EIF3H: variants seen among roughly 807,000 people sequenced by gnomAD.
The protein encoded by EIF3H is eIF-3-gamma.
A neutral mutation model predicts 44.2 loss-of-function variants in EIF3H; 26 were observed. That is an observed-to-expected ratio of 0.59 (90% CI 0.43 to 0.82). EIF3H has a LOEUF of 0.82. Ranked by LOEUF, EIF3H falls within the 40% of genes least tolerant of loss-of-function variation. The probability of loss-of-function intolerance (pLI) is 0.00; values close to 1 mark genes in which losing one functional copy is unlikely to be tolerated. For missense variants in EIF3H, 359 were observed against 432.8 expected, an observed-to-expected ratio of 0.83 and a Z score of 1.51; for synonymous variants, 166 against 151.9, an observed-to-expected ratio of 1.09 and a Z score of -0.68.
chr8:116,657,270 T>C lies in EIF3H; in HGVS notation c.502A>G (p.Arg168Gly). Residue 168 changes from arginine (R) to glycine (G), a missense_variant, in exon 4 of 8, where the codon AGA (arginine) becomes GGA (glycine). By Grantham distance (125) the Arg-to-Gly change is moderately radical. Transcript: ENST00000521861. ...AQGSLSLKAYRLTPKLMEVCK... is the reference protein window; with the variant it reads ...AQGSLSLKAYGLTPKLMEVCK... ...ACTTCCATCAGTTTAGGAGTCAGTC[T>C]GTATGCCTTTAGTGAGAGAGATCCT... 6.2e-7 allele frequency: 1 copy of C among 1,613,826 alleles called. No homozygotes were observed. The highest frequency in any genetic ancestry group is 8.5e-7 in the Non-Finnish European group (1 of 1,179,750).
chr8:116,760,460 A>G (rs1815507875), upstream of EIF3H, among the ~76,000 whole-genome samples: 1 of 152,220 alleles, frequency 6.6e-6, no homozygotes, highest in Non-Finnish European at 1.5e-5. Context: ...TAAAAAGAAA[A>G]TAATATTCAT....
At chr8:116,659,615 T>C (rs1813551563) in intron 2 of EIF3H, among the ~76,000 whole-genome samples, 1 of 152,216 alleles carries the variant, frequency 6.6e-6, no homozygotes, top group African/African-American at 2.4e-5. Context: ...ACAGATACTA[T>C]GTTTTCCTTA....
chr8:116,718,963 CT>C (rs1271220083), intron 2 of EIF3H, among the ~76,000 whole-genome samples: 1 of 151,912 alleles, frequency 6.6e-6, no homozygotes, highest in Admixed American at 6.6e-5. Context: ...ATTGAAAATG[CT>C]AATTGTGATA....
chr8:116,688,678 C>G (rs1252082063), intron 2 of EIF3H, among the ~76,000 whole-genome samples: 2 of 151,884 alleles, frequency 1.3e-5, no homozygotes, highest in Non-Finnish European at 2.9e-5. Flanking sequence ...ATGGTGCTAC[C>G]TATGTTCTAT....
Position 116,660,923 on chromosome 8 carries a change from T to C in EIF3H, c.290-1943A>G, listed in dbSNP as rs139734227. ...TAAAAACATCACTACCTTAGAAACC[T>C]ATTTTATACACAATATGACAGCCGA... is the stretch of plus-strand genomic sequence containing the variant. On this transcript the variant is annotated intron_variant, in intron 2 of 7. Coordinates refer to ENST00000521861, the MANE Select transcript of EIF3H (RefSeq NM_003756.3). Among the ~76,000 whole-genome samples, 496 of 152,322 alleles carry C rather than the reference T, an allele frequency of 3.3e-3. 4 individuals carry two copies. Among genetic ancestry groups the C allele is most frequent in the African/African-American group, 0.011 (470 of 41,578 alleles).
intron 2 of EIF3H, among the ~76,000 whole-genome samples, chr8:116,680,552 T>C (rs1056771773): frequency 2.2e-5 from 2 of 92,780 alleles, no homozygotes; most frequent in African/African-American, 8.3e-5. Context: ...CTCTGAAACA[T>C]GTGCTGTGTC....
chr8:116,653,348 AACACACACAC>A (rs771922316), intron 5 of EIF3H, among the ~76,000 whole-genome samples: 8 of 144,576 alleles, frequency 5.5e-5, no homozygotes, highest in Non-Finnish European at 1.0e-4. Flanking sequence ...AACAATCAGA[AACACACACAC>A]ACACACACAC....
chr8:116,675,119 A>G (rs866230542), intron 2 of EIF3H, among the ~76,000 whole-genome samples: 1 of 152,234 alleles, frequency 6.6e-6, no homozygotes, highest in South Asian at 2.1e-4. Context: ...ATCTCTTTGT[A>G]TTTTTAAATC....
At chr8:116,743,798 A>ATATATATATATATATAT (rs1491232249) in intron 1 of EIF3H, among the ~76,000 whole-genome samples, 8 of 79,674 alleles carry the variant, frequency 1.0e-4, no homozygotes, top group Non-Finnish European at 1.2e-4. Context: ...ATATATATAT[A>ATATATATATATATATAT]AACACACACA....
chr8:116,704,813 T>G (rs1444617482), intron 2 of EIF3H, among the ~76,000 whole-genome samples: 2 of 132,916 alleles, frequency 1.5e-5, no homozygotes, highest in Non-Finnish European at 3.2e-5. Flanking sequence ...ACGGCTATTT[T>G]AAAGCAAATT....
chr8:116,692,660 C>T (rs1814197782), intron 2 of EIF3H, among the ~76,000 whole-genome samples: 1 of 152,126 alleles, frequency 6.6e-6, no homozygotes, highest in Non-Finnish European at 1.5e-5. Flanking sequence ...AAAACAAACC[C>T]CTTTCCTTCC....
intron 6 of EIF3H, among the ~76,000 whole-genome samples, chr8:116,648,358 A>C (rs1813338555): frequency 6.6e-6 from 1 of 152,224 alleles, no homozygotes; most frequent in Non-Finnish European, 1.5e-5. Context: ...TCTGTATTAT[A>C]CTATCTACTT....
rs922590586 is a variant in EIF3H at position 116,644,724 on chromosome 8, C to G, written c.*282G>C. 1 of 327,446 alleles carries G rather than the reference C, an allele frequency of 3.1e-6. No individual in the cohort carries two copies. The highest frequency in any genetic ancestry group is 5.6e-6 in the Non-Finnish European group (1 of 177,282). The allele number at this position is 327,446 out of a possible 1,614,324, so 20.3% of individuals were successfully genotyped here. On this transcript the variant is annotated 3_prime_UTR_variant, in exon 8 of 8. Transcript: ENST00000521861. Reference sequence around the variant, plus strand: ...AAGTGGTGGAGCCTATAGGTTTCTGCCTGGTGAAACTTCCGGTCAGGGCTT... The same window carrying G: ...AAGTGGTGGAGCCTATAGGTTTCTGGCTGGTGAAACTTCCGGTCAGGGCTT...
At chr8:116,668,627 A>T (rs1348105916) in intron 2 of EIF3H, among the ~76,000 whole-genome samples, 1 of 152,164 alleles carries the variant, frequency 6.6e-6, no homozygotes, top group Non-Finnish European at 1.5e-5. Flanking sequence ...ACCTGGTCTG[A>T]ATAACATCTT....
chr8:116,701,185 A>G (rs918374487), intron 2 of EIF3H, among the ~76,000 whole-genome samples: 5 of 152,172 alleles, frequency 3.3e-5, no homozygotes, highest in Non-Finnish European at 7.4e-5. Flanking sequence ...AAATTTAGCT[A>G]CTTTAGCTTC....
intron 6 of EIF3H, among the ~76,000 whole-genome samples, chr8:116,648,379 G>C (rs1813338890): frequency 6.6e-6 from 1 of 152,104 alleles, no homozygotes; most frequent in Non-Finnish European, 1.5e-5. Flanking sequence ...CACAGCAGTT[G>C]GTCTATTATT....
At chr8:116,656,073 A>G in intron 4 of EIF3H, 68 bp from the exon 5 acceptor site, 1 of 1,466,862 alleles carries the variant, frequency 6.8e-7, no homozygotes, top group Non-Finnish European at 9.3e-7. Flanking sequence ...CTACTTCATA[A>G]AATTTACCTA....
chr8:116,761,833 A>G (rs1464346741), intron 1 of EIF3H, among the ~76,000 whole-genome samples: 3 of 152,210 alleles, frequency 2.0e-5, no homozygotes, highest in Non-Finnish European at 4.4e-5. Flanking sequence ...ACCTATATAC[A>G]TGAATTCCGC....
At chr8:116,752,753 G>GAAAGA (rs1586496494) in intron 1 of EIF3H, among the ~76,000 whole-genome samples, 10 of 10,268 alleles carry the variant, frequency 9.7e-4, no homozygotes, top group East Asian at 4.0e-3. Flanking sequence ...AAGAAAGAAA[G>GAAAGA]AGGGAGGGAG....
Sources: gnomAD v4.1 joint callset for allele counts (sites outside exome capture counted in the v4.1 genomes callset) on GRCh38, gnomAD v4.1.1 for gene constraint, MANE v1.5 for transcripts, NCBI Gene and HGNC (gene_info 2026-07-23, HGNC 2026-07-21) for gene names.